Variants in DSCAM observed in about 807,000 individuals in gnomAD.
DSCAM encodes the protein DS cell adhesion molecule.
DSCAM carries 47 observed loss-of-function variants against 217.7 expected under a neutral mutation model. The ratio of observed to expected loss-of-function variants is 0.22; its 90% CI spans 0.17 to 0.28. The LOEUF (loss-of-function observed/expected upper bound fraction) is 0.28, where lower values mean the gene tolerates loss of function less well. Ranked by LOEUF, DSCAM falls within the 10% of genes least tolerant of loss-of-function variation. The pLI is 1.00. For missense variants in DSCAM, 2,080 were observed against 2,618.3 expected, an observed-to-expected ratio of 0.79 and a Z score of 4.49; for synonymous variants, 1,056 against 1,015.3, an observed-to-expected ratio of 1.04 and a Z score of -0.76.
At chr21:40,600,638 T>C (rs914981009) in intron 3 of DSCAM, among the ~76,000 whole-genome samples, 2 of 152,188 alleles carry the variant, frequency 1.3e-5, no homozygotes, top group Admixed American at 1.3e-4. Context: ...TATCTTTTAG[T>C]AGTTGTATTG....
At chr21:40,079,069 C>T (rs1034525661) in intron 25 of DSCAM, 92 bp from the exon 26 acceptor site, 47 of 1,445,470 alleles carry the variant, frequency 3.3e-5, no homozygotes, top group Admixed American at 6.4e-5. Flanking sequence ...CTTCCTCCAG[C>T]GAGGCCAGGA....
intron 11 of DSCAM, among the ~76,000 whole-genome samples, chr21:40,246,627 TC>T (rs1351039284): frequency 1.3e-5 from 2 of 151,506 alleles, no homozygotes; most frequent in African/African-American, 4.8e-5. Flanking sequence ...TGAAGAAGTA[TC>T]CAACAGCAAT....
intron 3 of DSCAM, among the ~76,000 whole-genome samples, chr21:40,447,592 C>T (rs987707064): frequency 2.0e-5 from 3 of 152,298 alleles, no homozygotes; most frequent in African/African-American, 7.2e-5. Flanking sequence ...CAGCGAAATG[C>T]TATGGCAAAC....
intron 4 of DSCAM, among the ~76,000 whole-genome samples, chr21:40,355,295 G>A (rs2074680065): frequency 6.6e-6 from 1 of 152,160 alleles, no homozygotes. Flanking sequence ...GAGCACTACC[G>A]ACAGCATGTG....
chr21:40,433,786 G>A (rs563688021), intron 3 of DSCAM, among the ~76,000 whole-genome samples: 1 of 151,874 alleles, frequency 6.6e-6, no homozygotes, highest in Non-Finnish European at 1.5e-5. Context: ...AGTTGGATGA[G>A]GTCACCTGAG....
intron 32 of DSCAM, among the ~76,000 whole-genome samples, chr21:40,029,261 G>GCTACTTAATTCAGTTT (rs2088470535): frequency 6.6e-6 from 1 of 152,104 alleles, no homozygotes; most frequent in South Asian, 2.1e-4. Context: ...ATTACATGAA[G>GCTACTTAATTCAGTTT]CTACTTAATT....
chr21:40,447,283 C>CA (rs1267156846), intron 3 of DSCAM, among the ~76,000 whole-genome samples: 1 of 152,232 alleles, frequency 6.6e-6, no homozygotes, highest in Admixed American at 6.5e-5. Flanking sequence ...CAAAACCTAA[C>CA]ACTGACAATT....
intron 3 of DSCAM, among the ~76,000 whole-genome samples, chr21:40,477,982 G>C (rs1175181018): frequency 6.6e-6 from 1 of 151,826 alleles, no homozygotes; most frequent in Non-Finnish European, 1.5e-5. Context: ...GGACCCCTGA[G>C]CCCCACCCCC....
chr21:40,599,440 T>C (rs1402560089), intron 3 of DSCAM, among the ~76,000 whole-genome samples: 3 of 152,190 alleles, frequency 2.0e-5, no homozygotes, highest in Non-Finnish European at 4.4e-5. Context: ...TTATCATTGT[T>C]CTGGGACACA....
chr21:40,746,464 T>C (rs2091175952), intron 1 of DSCAM, among the ~76,000 whole-genome samples: 1 of 150,536 alleles, frequency 6.6e-6, no homozygotes, highest in Non-Finnish European at 1.5e-5. Context: ...AAGACCATGA[T>C]ATAATGACAA....
intron 27 of DSCAM, among the ~76,000 whole-genome samples, chr21:40,064,968 G>T (rs58714932): frequency 1.3e-5 from 2 of 152,070 alleles, no homozygotes; most frequent in Non-Finnish European, 2.9e-5. Flanking sequence ...GGAGGTGGGG[G>T]CCTGGGACTT....
At chr21:40,738,675 G>T (rs913834086) in intron 1 of DSCAM, among the ~76,000 whole-genome samples, 4 of 152,188 alleles carry the variant, frequency 2.6e-5, no homozygotes, top group Non-Finnish European at 5.9e-5. Flanking sequence ...CCACCCCAGA[G>T]AATCTGATTC....
chr21:40,679,540 T>C (rs1363410585), intron 3 of DSCAM, among the ~76,000 whole-genome samples: 1 of 152,208 alleles, frequency 6.6e-6, no homozygotes, highest in Non-Finnish European at 1.5e-5. Context: ...AGGTATAACC[T>C]GACATGTGCA....
chr21:40,144,867 G>A lies in DSCAM; in HGVS notation c.3019-136C>T. 7.8e-7 allele frequency: 1 copy of A among 1,274,972 alleles called. No homozygotes were observed. Among genetic ancestry groups the A allele is most frequent in the Admixed American group, 2.1e-5 (1 of 47,620 alleles). 79.0% of individuals were successfully genotyped at this position (1,274,972 alleles called of 1,614,324 possible). On this transcript the variant is annotated intron_variant, in intron 16 of 32. Coordinates refer to ENST00000400454, the MANE Select transcript of DSCAM (RefSeq NM_001389.5). The surrounding 1 kb of genome is among the most constrained non-coding windows in gnomAD (Gnocchi z 4.8). ...ATGCTGGGGCGGTGGTCCGGTAGCA[G>A]CCGCAAACCCACGTACAGTGCAACT... is the stretch of plus-strand genomic sequence containing the variant.
chr21:40,720,078 C>T (rs563305378), intron 1 of DSCAM, among the ~76,000 whole-genome samples: 69 of 152,294 alleles, frequency 4.5e-4, no homozygotes, highest in African/African-American at 1.6e-3. Context: ...CTGTCAATTG[C>T]TTCAGAGAGG....
intron 1 of DSCAM, among the ~76,000 whole-genome samples, chr21:40,735,573 G>A (rs554077522): frequency 8.5e-5 from 13 of 152,198 alleles, no homozygotes; most frequent in Middle Eastern, 3.4e-3. Flanking sequence ...CAGACACACT[G>A]TGCTAAGAGA....
intron 11 of DSCAM, among the ~76,000 whole-genome samples, chr21:40,229,514 C>T (rs2091362107): frequency 6.6e-6 from 1 of 152,178 alleles, no homozygotes; most frequent in African/African-American, 2.4e-5. Flanking sequence ...CTGTTCAGTC[C>T]TCTCCTTTCC....
At chr21:40,636,468 A>G (rs1199426208) in intron 3 of DSCAM, among the ~76,000 whole-genome samples, 3 of 152,162 alleles carry the variant, frequency 2.0e-5, no homozygotes, top group African/African-American at 7.2e-5. Flanking sequence ...TTCTTAGGTT[A>G]TATTTGATCA....
intron 18 of DSCAM, among the ~76,000 whole-genome samples, chr21:40,139,810 G>GGT (rs748843244): frequency 2.0e-5 from 3 of 150,204 alleles, no homozygotes; most frequent in Admixed American, 6.6e-5. Context: ...GTGTATGTGT[G>GGT]GTGTGTGTGT....
Sources: gnomAD v4.1 joint callset for allele counts (sites outside exome capture counted in the v4.1 genomes callset) on GRCh38, gnomAD v4.1.1 for gene constraint, Gnocchi (gnomAD v3.1) non-coding constraint, MANE v1.5 for transcripts, NCBI Gene and HGNC (gene_info 2026-07-23, HGNC 2026-07-21) for gene names.